The following PCCA variants were observed in gnomAD, a reference collection of about 807,000 sequenced individuals.
The protein encoded by PCCA is propionyl-CoA carboxylase subunit alpha.
A neutral mutation model predicts 101.3 loss-of-function variants in PCCA; 74 were observed. That is an observed-to-expected ratio of 0.73 (90% confidence interval 0.61 to 0.89). PCCA has a LOEUF of 0.89. Ranked by LOEUF, PCCA falls within the 40% of genes least tolerant of loss-of-function variation. The pLI is 0.00. For missense variants in PCCA, 891 were observed against 907.0 expected (o/e 0.98, Z 0.23); for synonymous variants, 294 against 313.6 (o/e 0.94, Z 0.66).
chr13:100,310,128 A>G (rs2066795985), intron 16 of PCCA, among the ~76,000 whole-genome samples: 1 of 152,186 alleles, frequency 6.6e-6, no homozygotes, highest in Admixed American at 6.5e-5. Flanking sequence ...TAACATATAT[A>G]TTACTCTATA....
At chr13:100,157,203 A>G in intron 5 of PCCA, 84 bp from the exon 6 acceptor site, 1 of 869,812 alleles carries the variant, frequency 1.1e-6, no homozygotes, top group Non-Finnish European at 1.9e-6. Flanking sequence ...AGTAAATATT[A>G]ATACATAAAT....
intron 1 of PCCA, among the ~76,000 whole-genome samples, chr13:100,090,098 C>A (rs950194514): frequency 6.6e-6 from 1 of 152,148 alleles, no homozygotes; most frequent in Non-Finnish European, 1.5e-5. Context: ...TGTTAAACTT[C>A]CTTTTAAAAA....
chr13:100,357,362 A>G (rs1291173753), intron 18 of PCCA, among the ~76,000 whole-genome samples: 2 of 152,204 alleles, frequency 1.3e-5, no homozygotes, highest in African/African-American at 4.8e-5. Context: ...TTCAAATTGT[A>G]AAATATGTTT....
chr13:100,233,890 C>G (rs760751856), intron 7 of PCCA, among the ~76,000 whole-genome samples: 12 of 152,234 alleles, frequency 7.9e-5, no homozygotes, highest in Non-Finnish European at 1.6e-4. Flanking sequence ...TTTGCTGTGT[C>G]AGATATAGAT....
At chr13:100,359,005 G>A (rs1024965174) in intron 18 of PCCA, among the ~76,000 whole-genome samples, 11 of 147,640 alleles carry the variant, frequency 7.5e-5, no homozygotes, top group African/African-American at 2.8e-4. Context: ...GCTGAGGCAG[G>A]AGAATCACTT....
chr13:100,370,364 C>T (rs1595630582), intron 19 of PCCA, among the ~76,000 whole-genome samples: 5 of 151,954 alleles, frequency 3.3e-5, no homozygotes, highest in Admixed American at 6.6e-5. Context: ...GGATCACAGG[C>T]GAGCGTTGCT....
intron 18 of PCCA, among the ~76,000 whole-genome samples, chr13:100,343,320 G>C (rs969353658): frequency 3.3e-5 from 5 of 152,250 alleles, no homozygotes; most frequent in Admixed American, 6.5e-5. Context: ...AGCATCATCG[G>C]TCAGTGGAGA....
At chr13:100,289,677 TTA>T (rs1374510759) in intron 12 of PCCA, among the ~76,000 whole-genome samples, 1 of 152,142 alleles carries the variant, frequency 6.6e-6, no homozygotes, top group Non-Finnish European at 1.5e-5. Flanking sequence ...AAAATTTTAT[TTA>T]TGTTTATTTT....
At chr13:100,261,721 T>C (rs1594985651) in intron 9 of PCCA, among the ~76,000 whole-genome samples, 1 of 152,214 alleles carries the variant, frequency 6.6e-6, no homozygotes, top group Non-Finnish European at 1.5e-5. Context: ...AAACAAAATA[T>C]ATAAAGCAAT....
At chr13:100,313,181 C>G (rs967091950) in intron 16 of PCCA, among the ~76,000 whole-genome samples, 8 of 152,110 alleles carry the variant, frequency 5.3e-5, no homozygotes, top group African/African-American at 1.9e-4. Context: ...TTCTCCTGAT[C>G]CATTTGAAAG....
At chr13:100,096,949 G>A (rs1476825221) in intron 1 of PCCA, among the ~76,000 whole-genome samples, 3 of 152,308 alleles carry the variant, frequency 2.0e-5, no homozygotes, top group Non-Finnish European at 4.4e-5. Context: ...AGTACTTTGG[G>A]AGGCCGAGGC....
intron 14 of PCCA, among the ~76,000 whole-genome samples, chr13:100,304,010 AGTT>A (rs1254388173): frequency 1.3e-5 from 2 of 152,244 alleles, no homozygotes; most frequent in African/African-American, 2.4e-5. Flanking sequence ...TGATTACTCT[AGTT>A]GTTAGAAGTT....
chr13:100,441,168 CT>C (rs2152917058), intron 20 of PCCA, among the ~76,000 whole-genome samples: 1 of 152,300 alleles, frequency 6.6e-6, no homozygotes, highest in South Asian at 2.1e-4. Flanking sequence ...CTTTTCTCCT[CT>C]TCTGTTAACT....
At chr13:100,414,117 T>C (rs1229580638) in intron 19 of PCCA, among the ~76,000 whole-genome samples, 2 of 152,240 alleles carry the variant, frequency 1.3e-5, no homozygotes, top group East Asian at 3.8e-4. Context: ...TTGAGATATA[T>C]TTAATTACAT....
intron 20 of PCCA, among the ~76,000 whole-genome samples, chr13:100,447,980 G>C (rs1391673218): frequency 1.3e-5 from 2 of 152,124 alleles, no homozygotes; most frequent in African/African-American, 4.8e-5. Context: ...AATGAAATTA[G>C]GATACATCTG....
At chr13:100,290,577 T>C (rs1421475696) in intron 12 of PCCA, among the ~76,000 whole-genome samples, 4 of 152,188 alleles carry the variant, frequency 2.6e-5, no homozygotes, top group Non-Finnish European at 5.9e-5. Context: ...CCTTGGTTTG[T>C]GTTTGTATAC....
Position 100,257,590 on chromosome 13 carries a change from G to C in PCCA, c.638-5G>C, listed in dbSNP as rs764316702. The C allele has an allele frequency of 6.2e-7, 1 of 1,610,886 alleles. No individual in the cohort carries two copies. The highest frequency in any genetic ancestry group is 8.5e-7 in the Non-Finnish European group (1 of 1,177,630). On this transcript the variant is annotated splice_region_variant and splice_polypyrimidine_tract_variant and intron_variant, in intron 8 of 23. Transcript: ENST00000376285. Reference sequence around the variant, plus strand: ...AACTTCTGTCTAATTCTTCCCTGCTGTTAGGCTACCCTGTCATGATCAAGG... The same window carrying C: ...AACTTCTGTCTAATTCTTCCCTGCTCTTAGGCTACCCTGTCATGATCAAGG...
intron 19 of PCCA, among the ~76,000 whole-genome samples, chr13:100,390,591 A>G (rs1323153097): frequency 6.6e-6 from 1 of 152,228 alleles, no homozygotes; most frequent in African/African-American, 2.4e-5. Flanking sequence ...AGGATACTGA[A>G]GAGGAGCATT....
intron 6 of PCCA, among the ~76,000 whole-genome samples, chr13:100,171,702 A>G (rs2055667671): frequency 6.6e-6 from 1 of 152,112 alleles, no homozygotes; most frequent in Admixed American, 6.5e-5. Context: ...CAGCCTGGGC[A>G]CATAGGAAAA....
Sources: gnomAD v4.1 joint callset for allele counts (sites outside exome capture counted in the v4.1 genomes callset) on GRCh38, gnomAD v4.1.1 for gene constraint, MANE v1.5 for transcripts, NCBI Gene and HGNC (gene_info 2026-07-23, HGNC 2026-07-21) for gene names.